The following RNF31 variants were observed in gnomAD, a reference collection of about 807,000 sequenced individuals.
RNF31 encodes the protein ring finger protein 31.
In RNF31, 38 loss-of-function variants were observed where a neutral mutation model predicts 133.6. That is an observed-to-expected ratio of 0.28 (90% CI 0.22 to 0.37). RNF31 has a LOEUF of 0.37. Among genes scored for constraint, RNF31 ranks in the 10% least tolerant of loss-of-function variants. The pLI, the probability that RNF31 is intolerant of heterozygous loss-of-function variation, is 1.00. For missense variants in RNF31, 1,118 were observed against 1,394.1 expected, an observed-to-expected ratio of 0.80 and a Z score of 3.15; for synonymous variants, 582 against 552.3, an observed-to-expected ratio of 1.05 and a Z score of -0.75.
chr14:24,151,566 C>T lies in RNF31; in HGVS notation c.1819C>T (p.Arg607Trp), dbSNP rs749888687. 5.6e-6 allele frequency: 9 copies of T among 1,614,054 alleles called. No individual in the cohort carries two copies. Among genetic ancestry groups the T allele is most frequent in the South Asian group, 3.3e-5 (3 of 91,094 alleles). Residue 607 changes from arginine (R) to tryptophan (W), a missense_variant, in exon 10 of 21, where the codon CGG (arginine) becomes TGG (tryptophan). By Grantham distance (101) the Arg-to-Trp change is moderately radical. Around this residue, in one of 3 missense-constraint regions of RNF31, gnomAD observed 747 missense variants for 827.9 expected, o/e 0.90. Transcript: ENST00000324103. This position sits in a 1 kb window ranked among gnomAD's most constrained non-coding sequence, Gnocchi z 5.3. Reference protein sequence around the residue: ...ALFQHGGDVSRALTELQRQRL... With the variant: ...ALFQHGGDVSWALTELQRQRL... ...GTTCCAGCACGGAGGTGATGTGTCA[C>T]GGGCCCTGACTGAGCTACAGCGCCA...
In RNF31 at chr14:24,155,778, G is replaced by A; in HGVS notation, c.2493+86G>A. Reference sequence around the variant, plus strand: ...CTCAGGGGAGTTTGTGTACTGGAGAGCAAAACAGACATGAGCTCTGAGGTC... The same window carrying A: ...CTCAGGGGAGTTTGTGTACTGGAGAACAAAACAGACATGAGCTCTGAGGTC... On this transcript the variant is annotated intron_variant, in intron 14 of 20. Coordinates refer to ENST00000324103, the MANE Select transcript of RNF31 (RefSeq NM_017999.5). The surrounding 1 kb of genome is among the most constrained non-coding windows in gnomAD (Gnocchi z 4.9). 1.7e-6 allele frequency: 2 copies of A among 1,154,498 alleles called. No individual in the cohort carries two copies. Among genetic ancestry groups the A allele is most frequent in the Non-Finnish European group, 1.3e-6 (1 of 773,256 alleles). The allele number at this position is 1,154,498 out of a possible 1,614,324, so 71.5% of individuals were successfully genotyped here. A position where few individuals can be genotyped will look rare whatever the true frequency, so the allele number is the denominator to read the frequency against.
chr14:24,154,503 C>G (rs969782806), intron 11 of RNF31, among the ~76,000 whole-genome samples: 20 of 152,166 alleles, frequency 1.3e-4, no homozygotes, highest in Admixed American at 2.6e-4. Context: ...GTCTCGAACT[C>G]CTAGCCTCAA....
In RNF31 at chr14:24,155,546, G is replaced by C. The variant is rs749744047; in HGVS notation, c.2403+34G>C. 6.8e-6 allele frequency: 11 copies of C among 1,613,394 alleles called. No homozygotes were observed. The Admixed American group carries it at 1.8e-4, about 27-fold the overall frequency. ...CCTGCCCAGGGCAGCTACTGTGGAG[G>C]GGCAGGGGATGGTTCCAGGTCAGGC... On this transcript the variant is annotated intron_variant, in intron 13 of 20. Coordinates refer to ENST00000324103, the MANE Select transcript of RNF31 (RefSeq NM_017999.5). This position sits in a 1 kb window ranked among gnomAD's most constrained non-coding sequence, Gnocchi z 4.9.
At chr14:24,154,507 G>T (rs1369797484) in intron 11 of RNF31, among the ~76,000 whole-genome samples, 2 of 152,246 alleles carry the variant, frequency 1.3e-5, no homozygotes, top group South Asian at 4.1e-4. Context: ...CGAACTCCTA[G>T]CCTCAAGTGA....
intron 14 of RNF31, among the ~76,000 whole-genome samples, chr14:24,156,389 C>G (rs2139089116): frequency 6.6e-6 from 1 of 152,334 alleles, no homozygotes; most frequent in South Asian, 2.1e-4. Context: ...ACTGCAGCCT[C>G]CAACTCCTGG....
intron 18 of RNF31, among the ~76,000 whole-genome samples, chr14:24,159,225 T>G (rs2038400292): frequency 6.6e-6 from 1 of 151,216 alleles, no homozygotes; most frequent in African/African-American, 2.4e-5. Context: ...CAGGCACCTG[T>G]AATCCCACCT....
chr14:24,160,128 C>A lies in RNF31; in HGVS notation c.2997-111C>A. On this transcript the variant is annotated intron_variant, in intron 19 of 20. Coordinates refer to ENST00000324103, the MANE Select transcript of RNF31 (RefSeq NM_017999.5). This position sits in a 1 kb window ranked among gnomAD's most constrained non-coding sequence, Gnocchi z 4.0. ...TAGATAGTAGCAGGCAGTGTGGGCA[C>A]AGGTGGGTTGTTAATCTTGTTCGTC... 7.2e-7 allele frequency: 1 copy of A among 1,390,138 alleles called. No homozygotes were observed. The allele number at this position is 1,390,138 out of a possible 1,614,324, so 86.1% of individuals were successfully genotyped here. A position where few individuals can be genotyped will look rare whatever the true frequency, so the allele number is the denominator to read the frequency against.
At position 24,148,329 on chromosome 14, in the gene RNF31, G is replaced by T; in HGVS notation, c.411G>T (p.Gly137=). 3.1e-6 allele frequency: 5 copies of T among 1,614,234 alleles called. No homozygotes were observed. Among genetic ancestry groups the T allele is most frequent in the Non-Finnish European group, 4.2e-6 (5 of 1,180,048 alleles). ...CAGATGGGTTGAGCTTCCCCGAAGG[G>T]CAGGAGGAGCCAGATGAGCACCAGG... ...EQPDGLSFPE[G]QEEPDEHQVA... Residue 137 remains glycine (G), a synonymous_variant, in exon 3 of 21, where the codon GGG becomes GGT. Transcript: ENST00000324103.
chr14:24,148,044 C>T lies in RNF31; in HGVS notation c.261C>T (p.Leu87=), dbSNP rs375864968. The change falls in exon 2 of 21, where the codon CTC becomes CTT. Residue 87 remains leucine, a synonymous_variant. Coordinates refer to ENST00000324103, the MANE Select transcript of RNF31 (RefSeq NM_017999.5). ...TGGAGAAATACGGCCGCAACCTTCTCAGCCCTCAGCGGCCTCGGTACTGGC... is the reference window on the plus strand; with the variant it reads ...TGGAGAAATACGGCCGCAACCTTCTTAGCCCTCAGCGGCCTCGGTACTGGC... ...NILEKYGRNL[L]SPQRPRYWRG... is the part of the protein sequence containing the mutation. 33 of 1,614,122 alleles carry T rather than the reference C, an allele frequency of 2.0e-5. No individual in the cohort carries two copies. The East Asian group carries it at 6.9e-4, about 34-fold the overall frequency.
In RNF31 at chr14:24,147,620, G is replaced by C; in HGVS notation, c.-79G>C. ...GGCCTCAAAGCCGGGCACCAGACGG[G>C]AGGGGCGGCGCTCGGGCCGCGCGCT... On this transcript the variant is annotated 5_prime_UTR_variant, in exon 1 of 21. Transcript: ENST00000324103. 2.3e-6 allele frequency: 3 copies of C among 1,292,190 alleles called. No individual in the cohort carries two copies. In the South Asian group the frequency reaches 5.5e-5, roughly 24 times the overall value. 80.0% of individuals were successfully genotyped at this position (1,292,190 alleles called of 1,614,324 possible).
chr14:24,148,473 C>T (rs771572699), intron 3 of RNF31, 60 bp downstream of exon 3: 1 of 1,612,606 alleles, frequency 6.2e-7, no homozygotes. Flanking sequence ...CCCAGCCTAA[C>T]TCAAGTAAGT....
At chr14:24,150,486 C>T in intron 7 of RNF31, 38 bp downstream of exon 7, 6 of 1,585,040 alleles carry the variant, frequency 3.8e-6, no homozygotes, top group Non-Finnish European at 5.2e-6. Flanking sequence ...TGTGTTACCT[C>T]AGGCATTCTC....
At position 24,150,726 on chromosome 14, in the gene RNF31, A is replaced by G. The variant is rs767165988; in HGVS notation, c.1326A>G (p.Gln442=). 18 of 1,614,110 alleles carry G rather than the reference A, an allele frequency of 1.1e-5. No homozygotes were observed. Among genetic ancestry groups the G allele is most frequent in the Non-Finnish European group, 1.5e-5 (18 of 1,179,988 alleles). ...CNRTSSPIPA[Q]HAPRPYASSL... ...GGACTAGTAGCCCCATTCCAGCACA[A>G]CATGCCCCCCGGCCCTATGCCAGCT... Residue 442 remains glutamine, a synonymous_variant, in exon 8 of 21, where the codon CAA becomes CAG. Coordinates refer to ENST00000324103, the MANE Select transcript of RNF31 (RefSeq NM_017999.5).
chr14:24,150,902 C>A lies in RNF31; in HGVS notation c.1488+14C>A. The stretch of plus-strand genomic sequence containing the variant: ...AGCATGATCCGGGTAAGGACTGGGC[C>A]TGCGATGAGGTAGGGCTGAGCTGGT... On this transcript the variant is annotated intron_variant, in intron 8 of 20. Coordinates refer to ENST00000324103, the MANE Select transcript of RNF31 (RefSeq NM_017999.5). The A allele has an allele frequency of 1.3e-6, 2 of 1,543,610 alleles. No individual in the cohort carries two copies. The highest frequency in any genetic ancestry group is 1.4e-5 in the African/African-American group (1 of 72,876).
chr14:24,148,800 G>C lies in RNF31; in HGVS notation c.556-1G>C. On this transcript the variant is annotated splice_acceptor_variant, in intron 4 of 20. Transcript: ENST00000324103. LOFTEE classifies it high-confidence loss of function. The stretch of plus-strand genomic sequence containing the variant: ...TTCATTCCCTGCCCTTTCTTTTTCA[G>C]ATGCTGCAGCTTTCAGAATTTGACC... 6.2e-7 allele frequency: 1 copy of C among 1,614,148 alleles called. No individual in the cohort carries two copies. The highest frequency in any genetic ancestry group is 2.2e-5 in the East Asian group (1 of 44,888).
rs752063198 is a variant in RNF31, at chr14:24,148,094, T to C, written c.311T>C (p.Val104Ala). The C allele has an allele frequency of 1.1e-5, 18 of 1,614,194 alleles. No homozygotes were observed. Among genetic ancestry groups the C allele is most frequent in the Non-Finnish European group, 1.7e-6 (2 of 1,180,042 alleles). The change falls in exon 2 of 21, where the codon GTC becomes GCC. Residue 104 changes from valine to alanine, a missense_variant. Val to Ala is a moderately conservative substitution (Grantham distance 64). This residue lies in a region of RNF31 where 747 missense variants were observed against 827.9 expected (regional missense o/e 0.90). Coordinates refer to ENST00000324103, the MANE Select transcript of RNF31 (RefSeq NM_017999.5). Reference protein sequence around the residue: ...YWRGVKFNNPVFRSTVDAVQG... With the variant: ...YWRGVKFNNPAFRSTVDAVQG... ...CGTGGTGTCAAGTTTAATAACCCTG[T>C]CTTTCGCAGCACGGTGGATGCTGTG... is the stretch of plus-strand genomic sequence containing the variant.
At chr14:24,157,865 C>A (rs1327282982) in intron 16 of RNF31, 33 bp from the exon 17 acceptor site, 1 of 1,585,378 alleles carries the variant, frequency 6.3e-7, no homozygotes, top group Non-Finnish European at 8.7e-7. Flanking sequence ...CAACAGTCTC[C>A]AACTTCCTCT....
At chr14:24,150,982 TAGC>T in intron 8 of RNF31, 94 bp downstream of exon 8, 1 of 1,499,446 alleles carries the variant, frequency 6.7e-7, no homozygotes, top group Non-Finnish European at 8.9e-7. Context: ...TTGTTATTGT[TAGC>T]AGCAGCTGCC....
intron 2 of RNF31, 47 bp downstream of exon 2, chr14:24,148,169 A>G: frequency 6.2e-7 from 1 of 1,613,426 alleles, no homozygotes; most frequent in South Asian, 1.1e-5. Flanking sequence ...TTTGGCTAGA[A>G]AAGGCCTGAG....
Sources: gnomAD v4.1 joint callset for allele counts (sites outside exome capture counted in the v4.1 genomes callset) on GRCh38, gnomAD v4.1.1 for gene constraint, gnomAD v4.1.1 regional missense constraint, Gnocchi (gnomAD v3.1) non-coding constraint, MANE v1.5 for transcripts, NCBI Gene and HGNC (gene_info 2026-07-23, HGNC 2026-07-21) for gene names.